Variants in PLEKHG3 observed in about 807,000 individuals in gnomAD.
PLEKHG3 encodes pleckstrin homology domain-containing family G member 3.
In PLEKHG3, 62 loss-of-function variants were observed where a neutral mutation model predicts 94.9. That is an observed-to-expected ratio of 0.65 (90% CI 0.53 to 0.81). The LOEUF (loss-of-function observed/expected upper bound fraction) is 0.81. Among genes scored for constraint, PLEKHG3 ranks in the 30% least tolerant of loss-of-function variants. The pLI, the probability that PLEKHG3 is intolerant of heterozygous loss-of-function variation, is 0.00. For missense variants in PLEKHG3, 1,461 were observed against 1,619.3 expected (o/e 0.90, Z 1.68); for synonymous variants, 614 against 654.0 (o/e 0.94, Z 0.93).
rs988378073 is a variant in PLEKHG3 at position 64,749,850 on chromosome 14, C to A, written c.*6147C>A. The A allele has an allele frequency of 6.7e-7, 1 of 1,494,068 alleles. No individual in the cohort carries two copies. Among genetic ancestry groups the A allele is most frequent in the African/African-American group, 1.4e-5 (1 of 72,118 alleles). 92.6% of individuals were successfully genotyped at this position (1,494,068 alleles called of 1,614,324 possible). A position where few individuals can be genotyped will look rare whatever the true frequency, so the allele number is the denominator to read the frequency against. ...GAGAGGTCAAAGTCTGGACCATCAG[C>A]CTCTTTGATTTGAAAAACCCCTGAG... On this transcript the variant is annotated 3_prime_UTR_variant, in exon 17 of 17. Transcript: ENST00000247226. This position sits in a 1 kb window ranked among gnomAD's most constrained non-coding sequence, Gnocchi z 4.7.
rs1473497550 is a variant in PLEKHG3, at chr14:64,749,231, G to GGCGGGCGGCA, written c.*5531_*5532insGGCGGCAGCG. The GGCGGGCGGCA allele has an allele frequency of 2.0e-6, 3 of 1,506,914 alleles. No individual in the cohort carries two copies. The African/African-American group carries it at 4.2e-5, about 21-fold the overall frequency. The allele number at this position is 1,506,914 out of a possible 1,614,324, so 93.3% of individuals were successfully genotyped here. On this transcript the variant is annotated 3_prime_UTR_variant, in exon 17 of 17. Transcript: ENST00000247226. This position sits in a 1 kb window ranked among gnomAD's most constrained non-coding sequence, Gnocchi z 4.7. ...CATCTCGATTCGACCGGCGGGCGGC[G>GGCGGGCGGCA]GCGAGAGGAGGCCAAGGCCTGGGCT... is the stretch of plus-strand genomic sequence containing the variant.
chr14:64,743,228 A>T lies in PLEKHG3; in HGVS notation c.3185A>T (p.Glu1062Val). The part of the protein sequence containing the change: ...ELCSKYASRD[E>V]ARRAGGGRPR... ...TGCTCCAAGTATGCCTCCCGCGATGAGGCACGCCGAGCAGGGGGCGGCCGG... is the reference window on the plus strand; with the variant it reads ...TGCTCCAAGTATGCCTCCCGCGATGTGGCACGCCGAGCAGGGGGCGGCCGG... The change falls in exon 17 of 17, where the codon GAG becomes GTG. Residue 1062 changes from glutamate to valine, a missense_variant. Coordinates refer to ENST00000247226, the MANE Select transcript of PLEKHG3 (RefSeq NM_001308147.2). The surrounding 1 kb of genome is among the most constrained non-coding windows in gnomAD (Gnocchi z 7.2). 1.2e-6 allele frequency: 2 copies of T among 1,608,170 alleles called. No homozygotes were observed. Among genetic ancestry groups the T allele is most frequent in the Non-Finnish European group, 1.7e-6 (2 of 1,179,278 alleles).
In PLEKHG3 at chr14:64,743,808, G is replaced by A; in HGVS notation, c.*105G>A. On this transcript the variant is annotated 3_prime_UTR_variant, in exon 17 of 17. Transcript: ENST00000247226. This position sits in a 1 kb window ranked among gnomAD's most constrained non-coding sequence, Gnocchi z 7.2. ...ATGGAGCCCCTGCCCAGGGCCCTCAGGTGGGCGGAAAGTCCATCCCCTCCG... is the reference window on the plus strand; with the variant it reads ...ATGGAGCCCCTGCCCAGGGCCCTCAAGTGGGCGGAAAGTCCATCCCCTCCG... The A allele has an allele frequency of 7.7e-7, 1 of 1,298,934 alleles. No individual in the cohort carries two copies. The highest frequency in any genetic ancestry group is 1.5e-5 in the South Asian group (1 of 64,618). 80.5% of individuals were successfully genotyped at this position (1,298,934 alleles called of 1,614,324 possible).
intron 1 of PLEKHG3, among the ~76,000 whole-genome samples, chr14:64,724,270 T>C (rs2081315260): frequency 1.3e-5 from 2 of 152,084 alleles, no homozygotes; most frequent in African/African-American, 4.8e-5. Flanking sequence ...ATGCCTCTTA[T>C]CCGTCACCAT....
intron 1 of PLEKHG3, among the ~76,000 whole-genome samples, chr14:64,710,769 G>A (rs2081055976): frequency 6.6e-6 from 1 of 150,976 alleles, no homozygotes; most frequent in Non-Finnish European, 1.5e-5. Context: ...AGCAGACTGA[G>A]ATAAAAACTC....
At position 64,741,905 on chromosome 14, in the gene PLEKHG3, C is replaced by A. The variant is rs750868694; in HGVS notation, c.2388C>A (p.Val796=). The change falls in exon 16 of 17, where the codon GTC becomes GTA. Residue 796 remains valine, a synonymous_variant. Transcript: ENST00000247226. ...AGCTCCCAGGACCAAGCCAGGCAGT[C>A]AAAGGGGACCCACCTCCCATCTCAG... is the stretch of plus-strand genomic sequence containing the variant. ...LFELPGPSQA[V]KGDPPPISDA... 6.3e-7 allele frequency: 1 copy of A among 1,597,930 alleles called. No individual in the cohort carries two copies. Among genetic ancestry groups the A allele is most frequent in the Admixed American group, 1.8e-5 (1 of 57,014 alleles).
chr14:64,729,051 G>C lies in PLEKHG3; in HGVS notation c.407G>C (p.Ser136Thr). ...TPGLLKPEQV[S>T]ALFGNIENIY... ...GGGCTGCTGAAGCCAGAACAGGTCAGCGCCCTCTTTGGGAACATAGAAAAT... is the reference window on the plus strand; with the variant it reads ...GGGCTGCTGAAGCCAGAACAGGTCACCGCCCTCTTTGGGAACATAGAAAAT... Residue 136 changes from serine (S) to threonine (T), a missense_variant, in exon 3 of 17, where the codon AGC (serine) becomes ACC (threonine). By Grantham distance (58) the Ser-to-Thr change is moderately conservative. Transcript: ENST00000247226. 1 of 1,528,436 alleles carries C rather than the reference G, an allele frequency of 6.5e-7. No homozygotes were observed. The highest frequency in any genetic ancestry group is 8.8e-7 in the Non-Finnish European group (1 of 1,140,220). 94.7% of individuals were successfully genotyped at this position (1,528,436 alleles called of 1,614,324 possible).
At chr14:64,737,908 G>A (rs531239954) in intron 14 of PLEKHG3, 65 of 1,213,400 alleles carry the variant, frequency 5.4e-5, no homozygotes, top group African/African-American at 1.3e-4. Flanking sequence ...CAGCCCTCCC[G>A]TACTCGGGGC....
At position 64,741,497 on chromosome 14, in the gene PLEKHG3, C is replaced by G; in HGVS notation, c.1980C>G (p.Ser660=). ...GLARHGSATD[S]LSCQLSPEVD... is the part of the protein sequence containing the mutation. The stretch of plus-strand genomic sequence containing the variant: ...CCCGGCATGGCAGTGCCACAGACTC[C>G]CTCAGCTGTCAGCTCTCCCCAGAAG... The change falls in exon 16 of 17, where the codon TCC becomes TCG. Residue 660 remains serine, a synonymous_variant. Transcript: ENST00000247226. 6.2e-7 allele frequency: 1 copy of G among 1,612,880 alleles called. No homozygotes were observed. The highest frequency in any genetic ancestry group is 8.5e-7 in the Non-Finnish European group (1 of 1,180,004).
At position 64,741,438 on chromosome 14, in the gene PLEKHG3, G is replaced by A. The variant is rs368721019; in HGVS notation, c.1921G>A (p.Val641Met). ...GCGGCTGGTCAGCCGGAGCAGCAGC[G>A]TGCTCAGCCTGGAGGGCAGCGAGAA... ...SPRLVSRSSS[V>M]LSLEGSEKGL... The change falls in exon 16 of 17, where the codon GTG (valine) becomes ATG (methionine). Residue 641 changes from valine (V) to methionine (M), a missense_variant. Around this residue, in one of 3 missense-constraint regions of PLEKHG3, gnomAD observed 1,201 missense variants for 1,295.5 expected, o/e 0.93. Transcript: ENST00000247226. The A allele has an allele frequency of 1.4e-5, 22 of 1,612,606 alleles. No homozygotes were observed. Among genetic ancestry groups the A allele is most frequent in the South Asian group, 6.6e-5 (6 of 91,066 alleles).
At chr14:64,737,010 G>T in intron 13 of PLEKHG3, 119 bp downstream of exon 13, 2 of 819,558 alleles carry the variant, frequency 2.4e-6, no homozygotes, top group Non-Finnish European at 4.2e-6. Flanking sequence ...TAGTGTAGAG[G>T]GAACTCTGCC....
chr14:64,743,842 G>A lies in PLEKHG3; in HGVS notation c.*139G>A, dbSNP rs1247764856. 3.3e-6 allele frequency: 3 copies of A among 909,046 alleles called. No individual in the cohort carries two copies. The highest frequency in any genetic ancestry group is 4.8e-6 in the Non-Finnish European group (3 of 625,384). The allele number at this position is 909,046 out of a possible 1,614,324, so 56.3% of individuals were successfully genotyped here. A position where few individuals can be genotyped will look rare whatever the true frequency, so the allele number is the denominator to read the frequency against. ...AAAGTCCATCCCCTCCGCCCTTCAGGAAGGATGCTCCCGTGTGCAGGGGTC... is the reference window on the plus strand; with the variant it reads ...AAAGTCCATCCCCTCCGCCCTTCAGAAAGGATGCTCCCGTGTGCAGGGGTC... On this transcript the variant is annotated 3_prime_UTR_variant, in exon 17 of 17. Coordinates refer to ENST00000247226, the MANE Select transcript of PLEKHG3 (RefSeq NM_001308147.2). This position sits in a 1 kb window ranked among gnomAD's most constrained non-coding sequence, Gnocchi z 7.2.
In PLEKHG3 at chr14:64,742,098, T is replaced by C; in HGVS notation, c.2581T>C (p.Ser861Pro). The C allele has an allele frequency of 6.2e-7, 1 of 1,609,782 alleles. No individual in the cohort carries two copies. ...EHELGAITEESATASPESSSP... is the reference protein window; with the variant it reads ...EHELGAITEEPATASPESSSP... ...TGAGCTGGGAGCCATCACAGAGGAG[T>C]CGGCCACTGCCTCCCCGGAAAGCTC... Residue 861 changes from serine (S) to proline (P), a missense_variant, in exon 16 of 17, where the codon TCG becomes CCG. By Grantham distance (74) the Ser-to-Pro change is moderately conservative. Transcript: ENST00000247226.
rs375124101 is a variant in PLEKHG3, at chr14:64,749,615, C to T, written c.*5912C>T. The T allele has an allele frequency of 3.3e-5, 53 of 1,612,772 alleles. No individual in the cohort carries two copies. In the South Asian group the frequency reaches 4.3e-4, roughly 13 times the overall value. Reference sequence around the variant, plus strand: ...GCGGCCTGGGGTCCTCCACCTACCCCCTTCTTAGCCAGGTCTGGGCTAGGC... The same window carrying T: ...GCGGCCTGGGGTCCTCCACCTACCCTCTTCTTAGCCAGGTCTGGGCTAGGC... On this transcript the variant is annotated 3_prime_UTR_variant, in exon 17 of 17. Coordinates refer to ENST00000247226, the MANE Select transcript of PLEKHG3 (RefSeq NM_001308147.2). This position sits in a 1 kb window ranked among gnomAD's most constrained non-coding sequence, Gnocchi z 4.7.
chr14:64,742,989 G>T lies in PLEKHG3; in HGVS notation c.2946G>T (p.Arg982Ser). Reference protein sequence around the residue: ...AGEPLGGKGKRKPVLSLFDYE... With the variant: ...AGEPLGGKGKSKPVLSLFDYE... ...CTTGCTCTCTCCTCATAGGTAAGAG[G>T]AAGCCGGTGCTGTCTCTATTTGACT... Residue 982 changes from arginine (R) to serine (S), a missense_variant, in exon 17 of 17, where the codon AGG (arginine) becomes AGT (serine). Arg to Ser is a moderately radical substitution (Grantham distance 110). Around this residue, in one of 3 missense-constraint regions of PLEKHG3, gnomAD observed 1,201 missense variants for 1,295.5 expected, o/e 0.93. Coordinates refer to ENST00000247226, the MANE Select transcript of PLEKHG3 (RefSeq NM_001308147.2). 1.2e-6 allele frequency: 2 copies of T among 1,613,334 alleles called. No homozygotes were observed. The highest frequency in any genetic ancestry group is 1.7e-6 in the Non-Finnish European group (2 of 1,179,936).
At position 64,715,128 on chromosome 14, in the gene PLEKHG3, G is replaced by C. The variant is rs11625500; in HGVS notation, c.-40+10424G>C. 0.069 allele frequency among the ~76,000 whole-genome samples: 10,464 copies of C among 152,238 alleles called. 396 individuals are homozygous for C. Among genetic ancestry groups the C allele is most frequent in the Non-Finnish European group, 0.085 (5,810 of 68,010 alleles). ...GTACTGTTTTTGGAGGCATCTACAG[G>C]TGAGTTATGAATTCCCAGGTGACTC... is the stretch of plus-strand genomic sequence containing the variant. On this transcript the variant is annotated intron_variant, in intron 1 of 16. Transcript: ENST00000247226. The surrounding 1 kb of genome is among the most constrained non-coding windows in gnomAD (Gnocchi z 4.4).
Position 64,738,928 on chromosome 14 carries a change from G to T in PLEKHG3, c.1518+73G>T. On this transcript the variant is annotated intron_variant, in intron 15 of 16. Coordinates refer to ENST00000247226, the MANE Select transcript of PLEKHG3 (RefSeq NM_001308147.2). The surrounding 1 kb of genome is among the most constrained non-coding windows in gnomAD (Gnocchi z 4.8). ...CCAGATTTTCAAGTCTGCAAATAGG[G>T]CTTTCAGGCACAGGCTCTCCCACTG... The T allele has an allele frequency of 1.1e-6, 1 of 928,166 alleles. No individual in the cohort carries two copies. The highest frequency in any genetic ancestry group is 1.7e-6 in the Non-Finnish European group (1 of 580,658). 57.5% of individuals were successfully genotyped at this position (928,166 alleles called of 1,614,324 possible). A position where few individuals can be genotyped will look rare whatever the true frequency, so the allele number is the denominator to read the frequency against.
chr14:64,707,214 A>T (rs1240501912), intron 1 of PLEKHG3, among the ~76,000 whole-genome samples: 1 of 152,184 alleles, frequency 6.6e-6, no homozygotes. Context: ...TGCCAGGAGG[A>T]AGGGGCTACT....
chr14:64,720,715 A>G lies in PLEKHG3; in HGVS notation c.-39-6878A>G, dbSNP rs2081248330. On this transcript the variant is annotated intron_variant, in intron 1 of 16. Coordinates refer to ENST00000247226, the MANE Select transcript of PLEKHG3 (RefSeq NM_001308147.2). The surrounding 1 kb of genome is among the most constrained non-coding windows in gnomAD (Gnocchi z 4.1). ...ACAAATTCTGCAATCTTAGTGGCTT[A>G]AATCAACACACATTTGTTGTCTTAA... Among the ~76,000 whole-genome samples, 1 of 152,234 alleles carries G rather than the reference A, an allele frequency of 6.6e-6. No homozygotes were observed. The highest frequency in any genetic ancestry group is 2.1e-4 in the South Asian group (1 of 4,828).
Sources: gnomAD v4.1 joint callset for allele counts (sites outside exome capture counted in the v4.1 genomes callset) on GRCh38, gnomAD v4.1.1 for gene constraint, gnomAD v4.1.1 regional missense constraint, Gnocchi (gnomAD v3.1) non-coding constraint, MANE v1.5 for transcripts, NCBI Gene and HGNC (gene_info 2026-07-23, HGNC 2026-07-21) for gene names.